The following RAPGEF5 variants were observed in gnomAD, a reference collection of about 807,000 sequenced individuals.
The protein encoded by RAPGEF5 is M-Ras-regulated GEF.
A neutral mutation model predicts 125.2 loss-of-function variants in RAPGEF5; 65 were observed. That is an observed-to-expected ratio of 0.52 (90% confidence interval 0.43 to 0.64). RAPGEF5 has a LOEUF of 0.64. Among genes scored for constraint, RAPGEF5 ranks in the 30% least tolerant of loss-of-function variants. RAPGEF5 has a pLI of 0.00. For missense variants in RAPGEF5, 958 were observed against 1,048.1 expected, an observed-to-expected ratio of 0.91 and a Z score of 1.19; for synonymous variants, 391 against 385.9, an observed-to-expected ratio of 1.01 and a Z score of -0.16.
intron 15 of RAPGEF5, 61 bp downstream of exon 15, chr7:22,157,794 G>GAGGCA: frequency 6.6e-7 from 1 of 1,524,910 alleles, no homozygotes; most frequent in Non-Finnish European, 9.1e-7. Context: ...CACGCCAAGG[G>GAGGCA]AGGCAAGGCA....
chr7:22,125,327 T>G, intron 25 of RAPGEF5: 1 of 322,376 alleles, frequency 3.1e-6, no homozygotes, highest in Non-Finnish European at 5.9e-6. Flanking sequence ...TCAGCGGGAG[T>G]TGCGGGGAGG....
intron 2 of RAPGEF5, 130 bp from the exon 3 acceptor site, chr7:22,315,606 C>A: frequency 4.9e-6 from 3 of 608,268 alleles, no homozygotes; most frequent in Non-Finnish European, 6.2e-6. Context: ...AAATCATAAC[C>A]AAGTCCATAA....
intron 7 of RAPGEF5, among the ~76,000 whole-genome samples, chr7:22,236,291 T>A (rs1379431653): frequency 6.6e-6 from 1 of 152,166 alleles, no homozygotes; most frequent in Non-Finnish European, 1.5e-5. Flanking sequence ...TATTCTCAAA[T>A]CTGTCTCCAT....
chr7:22,307,209 G>C (rs1386952725), intron 5 of RAPGEF5, among the ~76,000 whole-genome samples: 1 of 152,030 alleles, frequency 6.6e-6, no homozygotes, highest in African/African-American at 2.4e-5. Context: ...TCCATTTGTG[G>C]TGTCCTCTTG....
intron 9 of RAPGEF5, among the ~76,000 whole-genome samples, chr7:22,215,089 G>C (rs553818029): frequency 1.3e-5 from 2 of 152,012 alleles, no homozygotes; most frequent in Admixed American, 1.3e-4. Flanking sequence ...ATGCTGAGTC[G>C]TTCCTCATTA....
intron 9 of RAPGEF5, among the ~76,000 whole-genome samples, chr7:22,198,807 T>C (rs1038709648): frequency 1.3e-5 from 2 of 152,172 alleles, no homozygotes; most frequent in Admixed American, 1.3e-4. Flanking sequence ...AATGATCCTA[T>C]GAGACTAATG....
chr7:22,204,343 A>C (rs1429016663), intron 9 of RAPGEF5, among the ~76,000 whole-genome samples: 1 of 152,220 alleles, frequency 6.6e-6, no homozygotes, highest in Admixed American at 6.5e-5. Flanking sequence ...TAAAAAGGAA[A>C]TAAACTCTAA....
At chr7:22,159,224 T>C (rs1270345345) in intron 14 of RAPGEF5, among the ~76,000 whole-genome samples, 1 of 152,236 alleles carries the variant, frequency 6.6e-6, no homozygotes. Flanking sequence ...CATAACATAA[T>C]GTAGACTGCA....
chr7:22,226,695 C>T (rs1785926966), intron 8 of RAPGEF5, among the ~76,000 whole-genome samples: 1 of 152,134 alleles, frequency 6.6e-6, no homozygotes, highest in Admixed American at 6.5e-5. Context: ...CCTCGAACAC[C>T]ATGCTGGGGC....
At chr7:22,242,789 T>C (rs575492545) in intron 7 of RAPGEF5, among the ~76,000 whole-genome samples, 1 of 151,958 alleles carries the variant, frequency 6.6e-6, no homozygotes, top group African/African-American at 2.4e-5. Context: ...CCATCTCTAC[T>C]AAAACTACAA....
At chr7:22,353,173 C>A (rs1484728636) in intron 1 of RAPGEF5, among the ~76,000 whole-genome samples, 2 of 152,176 alleles carry the variant, frequency 1.3e-5, no homozygotes, top group Admixed American at 1.3e-4. Context: ...TCAGTCCAGA[C>A]AGTAGGATGT....
intron 1 of RAPGEF5, among the ~76,000 whole-genome samples, chr7:22,344,326 G>A (rs532735513): frequency 6.6e-6 from 1 of 152,308 alleles, no homozygotes; most frequent in African/African-American, 2.4e-5. Context: ...TATCAAAGAT[G>A]TGTGGGCAAG....
intron 8 of RAPGEF5, among the ~76,000 whole-genome samples, chr7:22,222,001 C>T (rs1285817866): frequency 2.0e-5 from 3 of 152,118 alleles, no homozygotes; most frequent in Non-Finnish European, 4.4e-5. Flanking sequence ...GATCCCAGCA[C>T]TTTGGGAGGC....
chr7:22,146,558 G>A (rs13232384), intron 19 of RAPGEF5, among the ~76,000 whole-genome samples: 77,061 of 151,956 alleles, frequency 0.51, 19,578 homozygotes, highest in East Asian at 0.62. Flanking sequence ...ACTATCATAA[G>A]CTTCATGGAA....
At chr7:22,356,296 G>C (rs1201789690) in intron 1 of RAPGEF5, 12 of 976,860 alleles carry the variant, frequency 1.2e-5, no homozygotes, top group Non-Finnish European at 1.5e-5. Context: ...GGAGACACCG[G>C]AACCCAGGAA....
intron 21 of RAPGEF5, among the ~76,000 whole-genome samples, chr7:22,139,295 T>C (rs926843610): frequency 1.3e-5 from 2 of 151,734 alleles, no homozygotes; most frequent in Admixed American, 6.6e-5. Flanking sequence ...AGAGCAATGA[T>C]GAGGGGAGAA....
intron 7 of RAPGEF5, among the ~76,000 whole-genome samples, chr7:22,239,776 C>T (rs1786278338): frequency 1.3e-5 from 2 of 152,236 alleles, no homozygotes; most frequent in Non-Finnish European, 2.9e-5. Context: ...GTCGTTAGAG[C>T]AAAAGGTATC....
chr7:22,186,320 A>C (rs938203549), intron 11 of RAPGEF5, among the ~76,000 whole-genome samples: 9 of 152,204 alleles, frequency 5.9e-5, no homozygotes, highest in African/African-American at 2.2e-4. Flanking sequence ...GTTATTTTTA[A>C]AATTTCAATT....
intron 6 of RAPGEF5, among the ~76,000 whole-genome samples, chr7:22,275,867 C>G (rs557768397): frequency 5.3e-5 from 8 of 152,144 alleles, no homozygotes; most frequent in Non-Finnish European, 7.4e-5. Flanking sequence ...GAAACCATTT[C>G]CTGTCGTGGA....
Sources: allele counts gnomAD v4.1 joint callset (sites outside exome capture counted in the v4.1 genomes callset), GRCh38; gene constraint gnomAD v4.1.1; transcripts MANE v1.5; gene names NCBI Gene and HGNC (gene_info 2026-07-23, HGNC 2026-07-21).